The following TAF4B variants were observed in gnomAD, a reference collection of about 807,000 sequenced individuals.
The protein encoded by TAF4B is TATA-box binding protein associated factor 4b, also known as transcription initiation factor TFIID subunit 4B.
TAF4B carries 38 observed loss-of-function variants against 86.4 expected under a neutral mutation model. The ratio of observed to expected loss-of-function variants is 0.44; its 90% CI spans 0.34 to 0.58. TAF4B has a LOEUF of 0.58. Ranked by LOEUF, TAF4B falls within the 20% of genes least tolerant of loss-of-function variation. TAF4B has a pLI of 0.02. For synonymous variants in TAF4B, 388 were observed against 391.2 expected, an observed-to-expected ratio of 0.99 and a Z score of 0.10; for missense variants, 988 against 1,027.6, an observed-to-expected ratio of 0.96 and a Z score of 0.53.
At chr18:26,343,935 A>G (rs974111960) in intron 13 of TAF4B, among the ~76,000 whole-genome samples, 2 of 152,346 alleles carry the variant, frequency 1.3e-5, no homozygotes, top group East Asian at 3.9e-4. Flanking sequence ...GGAAGAGACA[A>G]TCAACAGATA....
intron 3 of TAF4B, among the ~76,000 whole-genome samples, chr18:26,271,656 A>C (rs1388057952): frequency 6.6e-6 from 1 of 152,054 alleles, no homozygotes; most frequent in African/African-American, 2.4e-5. Context: ...AGGCATGGTG[A>C]GTCACACCTG....
chr18:26,317,887 GA>G (rs1192842762), intron 10 of TAF4B, among the ~76,000 whole-genome samples: 1 of 152,160 alleles, frequency 6.6e-6, no homozygotes, highest in Admixed American at 6.5e-5. Flanking sequence ...GACTTTTGGG[GA>G]GATGCAAACA....
At chr18:26,228,855 G>A (rs2144411046) in intron 1 of TAF4B, among the ~76,000 whole-genome samples, 1 of 152,040 alleles carries the variant, frequency 6.6e-6, no homozygotes, top group Admixed American at 6.6e-5. Context: ...GGAGGATTGG[G>A]GCCTTATCAT....
intron 13 of TAF4B, among the ~76,000 whole-genome samples, chr18:26,337,545 C>T (rs1568160394): frequency 6.6e-6 from 1 of 151,514 alleles, no homozygotes; most frequent in Non-Finnish European, 1.5e-5. Context: ...GCCTCAGCCT[C>T]CCGAGTAGCT....
Position 26,321,184 on chromosome 18 carries a change from G to A in TAF4B, c.2117G>A (p.Arg706Gln), listed in dbSNP as rs536777986. 17 of 1,613,630 alleles carry A rather than the reference G, an allele frequency of 1.1e-5. No homozygotes were observed. The highest frequency in any genetic ancestry group is 3.3e-5 in the Admixed American group (2 of 60,000). Residue 706 changes from arginine to glutamine, a missense_variant, in exon 11 of 15, where the codon CGA becomes CAA. This residue lies in a region of TAF4B where 216 missense variants were observed against 238.4 expected (regional missense o/e 0.91). Coordinates refer to ENST00000269142, the MANE Select transcript of TAF4B (RefSeq NM_005640.3). ...AAACTGACTGCAATTGCTCAGCATCGAATGACTACTTACAAGGTAAAGGAA... is the reference window on the plus strand; with the variant it reads ...AAACTGACTGCAATTGCTCAGCATCAAATGACTACTTACAAGGTAAAGGAA... ...LEKLTAIAQHRMTTYKASENY... is the reference protein window; with the variant it reads ...LEKLTAIAQHQMTTYKASENY...
At position 26,391,196 on chromosome 18, in the gene TAF4B, C is replaced by T. The variant is rs1482744931; in HGVS notation, c.*1184C>T. 2 of 140,944 alleles carry T rather than the reference C, an allele frequency of 1.4e-5. No homozygotes were observed. The highest frequency in any genetic ancestry group is 2.0e-4 in the East Asian group (1 of 4,908). The allele number at this position is 140,944 out of a possible 1,614,324, so 8.7% of individuals were successfully genotyped here. A position where few individuals can be genotyped will look rare whatever the true frequency, so the allele number is the denominator to read the frequency against. ...TTCACCTGAGGAAGAAGCTGACGGA[C>T]AAAGCAAACCCTCTTTAAAAAAAAA... On this transcript the variant is annotated 3_prime_UTR_variant, in exon 15 of 15. Coordinates refer to ENST00000269142, the MANE Select transcript of TAF4B (RefSeq NM_005640.3).
At chr18:26,245,887 G>T (rs904621498) in intron 1 of TAF4B, among the ~76,000 whole-genome samples, 2 of 152,088 alleles carry the variant, frequency 1.3e-5, no homozygotes, top group Non-Finnish European at 2.9e-5. Context: ...TTGCCTATTC[G>T]CAGGCGTTGA....
intron 13 of TAF4B, among the ~76,000 whole-genome samples, chr18:26,349,796 T>C (rs1325672249): frequency 6.6e-6 from 1 of 152,158 alleles, no homozygotes; most frequent in Admixed American, 6.5e-5. Context: ...ACTACTGGAC[T>C]TCAAAATATG....
At chr18:26,238,665 G>A (rs182347544) in intron 1 of TAF4B, among the ~76,000 whole-genome samples, 2 of 151,658 alleles carry the variant, frequency 1.3e-5, no homozygotes, top group East Asian at 3.9e-4. Flanking sequence ...ATGTATACAT[G>A]TGCCATGTTG....
intron 1 of TAF4B, among the ~76,000 whole-genome samples, chr18:26,235,493 C>G (rs1022499766): frequency 1.3e-5 from 2 of 152,176 alleles, no homozygotes; most frequent in Admixed American, 1.3e-4. Flanking sequence ...TTCAAGAGAT[C>G]TAGAGTAGCC....
intron 6 of TAF4B, among the ~76,000 whole-genome samples, chr18:26,282,917 T>C (rs569884976): frequency 2.3e-4 from 35 of 152,358 alleles, no homozygotes; most frequent in Admixed American, 1.7e-3. Context: ...TGCTCATCTG[T>C]AAGAAGCAAC....
intron 12 of TAF4B, among the ~76,000 whole-genome samples, chr18:26,327,877 G>A (rs2057017614): frequency 6.6e-6 from 1 of 152,102 alleles, no homozygotes; most frequent in Admixed American, 6.6e-5. Context: ...TGAGCCACCC[G>A]CCTGGCCAAG....
intron 9 of TAF4B, among the ~76,000 whole-genome samples, chr18:26,303,294 A>T (rs1331009471): frequency 8.4e-6 from 1 of 119,730 alleles, no homozygotes; most frequent in Admixed American, 8.9e-5. Context: ...CTCCGCTTTC[A>T]TACCCCCTCC....
intron 14 of TAF4B, among the ~76,000 whole-genome samples, chr18:26,363,825 A>G (rs1342574825): frequency 6.6e-6 from 1 of 152,204 alleles, no homozygotes; most frequent in Non-Finnish European, 1.5e-5. Flanking sequence ...TCAGCATATA[A>G]TCCCAGAGAG....
At position 26,315,319 on chromosome 18, in the gene TAF4B, G is replaced by T; in HGVS notation, c.1923G>T (p.Leu641Phe). 4 of 1,613,358 alleles carry T rather than the reference G, an allele frequency of 2.5e-6. No homozygotes were observed. Among genetic ancestry groups the T allele is most frequent in the Non-Finnish European group, 3.4e-6 (4 of 1,179,806 alleles). ...NACILATNSE[L>F]VGTLIQSCKD... Reference sequence around the variant, plus strand: ...GCATCTTAGCAACAAACTCTGAATTGGTTGGCACACTCATTCAGTCATGTA... The same window carrying T: ...GCATCTTAGCAACAAACTCTGAATTTGTTGGCACACTCATTCAGTCATGTA... Residue 641 changes from leucine to phenylalanine, a missense_variant, in exon 10 of 15, where the codon TTG becomes TTT. Leu to Phe is a conservative substitution (Grantham distance 22, BLOSUM62 0). This residue lies in a region of TAF4B where 25 missense variants were observed against 51.3 expected (regional missense o/e 0.49). Coordinates refer to ENST00000269142, the MANE Select transcript of TAF4B (RefSeq NM_005640.3).
At chr18:26,291,693 C>CA (rs1311348322) in intron 7 of TAF4B, among the ~76,000 whole-genome samples, 1 of 111,502 alleles carries the variant, frequency 9.0e-6, no homozygotes, top group African/African-American at 3.4e-5. Context: ...GGTGACAGAG[C>CA]AAGACTCTGT....
Position 26,281,965 on chromosome 18 carries a change from C to A in TAF4B, c.883-6C>A. 2 of 1,605,286 alleles carry A rather than the reference C, an allele frequency of 1.2e-6. No individual in the cohort carries two copies. The highest frequency in any genetic ancestry group is 1.7e-6 in the Non-Finnish European group (2 of 1,173,474). On this transcript the variant is annotated splice_polypyrimidine_tract_variant and splice_region_variant and intron_variant, in intron 5 of 14. Transcript: ENST00000269142. ...TAAAATTGTTTCTATTTCTCCCATCCCTCAGGATGCAAAAATCGAAGCAGA... is the reference window on the plus strand; with the variant it reads ...TAAAATTGTTTCTATTTCTCCCATCACTCAGGATGCAAAAATCGAAGCAGA...
At chr18:26,327,640 G>T (rs1210902043) in intron 12 of TAF4B, among the ~76,000 whole-genome samples, 1 of 152,164 alleles carries the variant, frequency 6.6e-6, no homozygotes, top group Non-Finnish European at 1.5e-5. Context: ...GCATGATCTC[G>T]GCTTACTGCA....
intron 14 of TAF4B, among the ~76,000 whole-genome samples, chr18:26,374,395 A>T (rs773215166): frequency 1.3e-5 from 2 of 152,178 alleles, no homozygotes; most frequent in Non-Finnish European, 2.9e-5. Flanking sequence ...CTTAAGTTGT[A>T]GTATTCTCAC....
Sources: gnomAD v4.1 joint callset for allele counts (sites outside exome capture counted in the v4.1 genomes callset) on GRCh38, gnomAD v4.1.1 for gene constraint, gnomAD v4.1.1 regional missense constraint, MANE v1.5 for transcripts, NCBI Gene and HGNC (gene_info 2026-07-23, HGNC 2026-07-21) for gene names.